The following ARHGAP20 variants were observed in gnomAD, a reference collection of about 807,000 sequenced individuals.
The protein encoded by ARHGAP20 is rho GTPase-activating protein 20.
A neutral mutation model predicts 73.7 loss-of-function variants in ARHGAP20; 34 were observed. That is an observed-to-expected ratio of 0.46 (90% CI 0.35 to 0.61). The LOEUF (loss-of-function observed/expected upper bound fraction) is 0.61. Among genes scored for constraint, ARHGAP20 ranks in the 20% least tolerant of loss-of-function variants. The probability of loss-of-function intolerance (pLI) is 0.00; values close to 1 mark genes in which losing one functional copy is unlikely to be tolerated. For synonymous variants in ARHGAP20, 523 were observed against 518.2 expected (o/e 1.01, Z -0.13); for missense variants, 1,314 against 1,420.9 (o/e 0.92, Z 1.21).
intron 2 of ARHGAP20, among the ~76,000 whole-genome samples, chr11:110,654,885 T>C (rs1001295575): frequency 6.6e-6 from 1 of 152,208 alleles, no homozygotes; most frequent in Non-Finnish European, 1.5e-5. Flanking sequence ...TGTTTCTTAA[T>C]CTAGGGGTTG....
intron 2 of ARHGAP20, among the ~76,000 whole-genome samples, chr11:110,657,746 T>C (rs1565462467): frequency 6.6e-6 from 1 of 151,848 alleles, no homozygotes; most frequent in Non-Finnish European, 1.5e-5. Context: ...AATACAAAAA[T>C]TAGCCCGGTG....
intron 2 of ARHGAP20, among the ~76,000 whole-genome samples, chr11:110,676,424 T>C (rs938553647): frequency 1.3e-5 from 2 of 152,132 alleles, no homozygotes; most frequent in African/African-American, 4.8e-5. Context: ...GAAGCAAACA[T>C]GTCCTTCTTT....
At chr11:110,705,028 A>G (rs371676117) in intron 1 of ARHGAP20, among the ~76,000 whole-genome samples, 2 of 152,194 alleles carry the variant, frequency 1.3e-5, no homozygotes, top group Admixed American at 6.5e-5. Context: ...GTGACACTTT[A>G]TAATGTATTT....
At chr11:110,633,754 G>C (rs1228241404) in intron 2 of ARHGAP20, among the ~76,000 whole-genome samples, 2 of 152,150 alleles carry the variant, frequency 1.3e-5, no homozygotes, top group African/African-American at 4.8e-5. Context: ...GAACAAAGGA[G>C]GGAAAGCCTA....
intron 2 of ARHGAP20, among the ~76,000 whole-genome samples, chr11:110,657,788 G>C (rs1012526123): frequency 6.6e-6 from 1 of 151,666 alleles, no homozygotes. Flanking sequence ...CCAGCTACAC[G>C]GGAGGCTAAG....
chr11:110,676,486 T>C (rs1411647694), intron 2 of ARHGAP20, among the ~76,000 whole-genome samples: 1 of 152,154 alleles, frequency 6.6e-6, no homozygotes, highest in Admixed American at 6.5e-5. Flanking sequence ...AAGTCCCTTA[T>C]GAAACCATCA....
intron 10 of ARHGAP20, among the ~76,000 whole-genome samples, chr11:110,591,607 C>G (rs559722059): frequency 2.6e-5 from 4 of 152,102 alleles, no homozygotes; most frequent in Admixed American, 1.3e-4. Flanking sequence ...ATAAATAAAA[C>G]GGATTTAAAA....
intron 3 of ARHGAP20, among the ~76,000 whole-genome samples, chr11:110,625,026 A>ATTTTTT (rs1565445279): frequency 8.9e-6 from 1 of 112,454 alleles, no homozygotes; most frequent in East Asian, 3.5e-4. Flanking sequence ...TTTTATTTTT[A>ATTTTTT]TTTTTATTTT....
chr11:110,670,963 G>C (rs963756756), intron 2 of ARHGAP20, among the ~76,000 whole-genome samples: 3 of 151,970 alleles, frequency 2.0e-5, no homozygotes, highest in Non-Finnish European at 2.9e-5. Context: ...ATTCTAGATA[G>C]GATCCTGGTA....
intron 2 of ARHGAP20, among the ~76,000 whole-genome samples, chr11:110,667,392 A>G (rs779060117): frequency 4.1e-4 from 62 of 152,346 alleles, no homozygotes; most frequent in Non-Finnish European, 6.2e-4. Context: ...GGGTGACAGC[A>G]TATCTGTTTA....
At chr11:110,696,698 T>G (rs1456967233) in intron 1 of ARHGAP20, among the ~76,000 whole-genome samples, 1 of 151,666 alleles carries the variant, frequency 6.6e-6, no homozygotes, top group Non-Finnish European at 1.5e-5. Context: ...ATCTGATAGG[T>G]AGTTTTTCAA....
At chr11:110,678,600 C>A (rs1197092401) in intron 2 of ARHGAP20, among the ~76,000 whole-genome samples, 1 of 152,172 alleles carries the variant, frequency 6.6e-6, no homozygotes, top group African/African-American at 2.4e-5. Flanking sequence ...TGATTTATTG[C>A]TGCAATAACA....
intron 1 of ARHGAP20, among the ~76,000 whole-genome samples, chr11:110,710,468 G>GA (rs1387088507): frequency 6.6e-6 from 1 of 151,910 alleles, no homozygotes; most frequent in Admixed American, 6.5e-5. Flanking sequence ...AAACTGTTCA[G>GA]AAAAATAAAT....
At chr11:110,623,089 T>G (rs1023602319) in intron 4 of ARHGAP20, among the ~76,000 whole-genome samples, 1 of 152,146 alleles carries the variant, frequency 6.6e-6, no homozygotes, top group Non-Finnish European at 1.5e-5. Flanking sequence ...AAAGAAGATA[T>G]GCTGAGAATG....
Position 110,577,221 on chromosome 11 carries a change from A to AAACT in ARHGAP20, c.*2145_*2148dup. ...TAAAATTTGTCAAGATATATTATAC[A>AAACT]AACTCAAAGCATTTTAGATAAAGCA... On this transcript the variant is annotated 3_prime_UTR_variant, in exon 15 of 15. Transcript: ENST00000683387. The AAACT allele has an allele frequency of 1.3e-6, 2 of 1,508,066 alleles. No homozygotes were observed. The highest frequency in any genetic ancestry group is 1.8e-6 in the Non-Finnish European group (2 of 1,129,862). 93.4% of individuals were successfully genotyped at this position (1,508,066 alleles called of 1,614,324 possible). A position where few individuals can be genotyped will look rare whatever the true frequency, so the allele number is the denominator to read the frequency against.
chr11:110,594,531 C>T (rs1012096377), intron 9 of ARHGAP20, among the ~76,000 whole-genome samples: 1 of 152,202 alleles, frequency 6.6e-6, no homozygotes, highest in African/African-American at 2.4e-5. Flanking sequence ...TGTGGTTTCA[C>T]AGCCTTCAGC....
intron 2 of ARHGAP20, among the ~76,000 whole-genome samples, chr11:110,631,943 C>A (rs146588684): frequency 9.6e-4 from 146 of 152,264 alleles, no homozygotes; most frequent in African/African-American, 3.4e-3. Context: ...ACAAATTGAA[C>A]CACAGTATCT....
At chr11:110,619,673 CAGTGATAGAGTATATGT>C (rs1385011625) in intron 4 of ARHGAP20, among the ~76,000 whole-genome samples, 27,531 of 147,500 alleles carry the variant, frequency 0.19, 2,749 homozygotes, top group East Asian at 0.3. Context: ...AGAGTATATG[CAGTGATAGAGTATATGT>C]AGTGATAGAG....
rs1217767475 is a variant in ARHGAP20 at position 110,580,196 on chromosome 11, T to C, written c.2750A>G (p.Gln917Arg). The stretch of plus-strand genomic sequence containing the variant: ...TGGGGGTAAAACCTTCTCAGTGTTT[T>C]GGTTTGTGGCACTACTCTTGCCCAC... Reference protein sequence around the residue: ...IEVGKSSATNQNTEKVLPPRL... With the variant: ...IEVGKSSATNRNTEKVLPPRL... Residue 917 changes from glutamine to arginine, a missense_variant, in exon 15 of 15, where the codon CAA (glutamine) becomes CGA (arginine). Transcript: ENST00000683387. 6.2e-7 allele frequency: 1 copy of C among 1,614,210 alleles called. No homozygotes were observed. Among genetic ancestry groups the C allele is most frequent in the Non-Finnish European group, 8.5e-7 (1 of 1,180,036 alleles).
Sources: allele counts gnomAD v4.1 joint callset (sites outside exome capture counted in the v4.1 genomes callset), GRCh38; gene constraint gnomAD v4.1.1; transcripts MANE v1.5; gene names NCBI Gene and HGNC (gene_info 2026-07-23, HGNC 2026-07-21).